RYR1: variants seen among roughly 807,000 people sequenced by gnomAD.
RYR1 encodes central core disease of muscle.
In RYR1, 342 loss-of-function variants were observed where a neutral mutation model predicts 583.5. That is an observed-to-expected ratio of 0.59 (90% CI 0.54 to 0.64). The LOEUF is 0.64. Ranked by LOEUF, RYR1 falls within the 30% of genes least tolerant of loss-of-function variation. The pLI, the probability that RYR1 is intolerant of heterozygous loss-of-function variation, is 0.00. For missense variants in RYR1, 6,032 were observed against 6,917.2 expected (o/e 0.87, Z 4.54); for synonymous variants, 2,791 against 2,822.5 (o/e 0.99, Z 0.35).
intron 88 of RYR1, among the ~76,000 whole-genome samples, chr19:38,547,706 C>T (rs1014303641): frequency 2.7e-5 from 4 of 149,734 alleles, no homozygotes; most frequent in African/African-American, 2.5e-5. Context: ...CTTTAGCGTA[C>T]ATCATCATTA....
At chr19:38,457,158 G>A (rs1030698345) in intron 16 of RYR1, among the ~76,000 whole-genome samples, 8 of 151,036 alleles carry the variant, frequency 5.3e-5, no homozygotes, top group African/African-American at 1.9e-4. Flanking sequence ...AACCCCTGCT[G>A]ATTTAAAATT....
At chr19:38,558,872 C>T (rs1972996742) in intron 89 of RYR1, among the ~76,000 whole-genome samples, 1 of 152,110 alleles carries the variant, frequency 6.6e-6, no homozygotes, top group African/African-American at 2.4e-5. Flanking sequence ...AGGCAGATCA[C>T]CTGAGGTCAG....
chr19:38,570,610 T>C lies in RYR1; in HGVS notation c.13663T>C (p.Tyr4555His). The C allele has an allele frequency of 6.2e-7, 1 of 1,613,512 alleles. No individual in the cohort carries two copies. Among genetic ancestry groups the C allele is most frequent in the East Asian group, 2.2e-5 (1 of 44,874 alleles). The part of the protein sequence containing the change: ...LEVQRVKFLN[Y>H]LSRNFYTLRF... Reference sequence around the variant, plus strand: ...CTCTTTTTCTCTTCTCTCTCAGAACTACCTGTCCCGGAACTTTTACACCCT... The same window carrying C: ...CTCTTTTTCTCTTCTCTCTCAGAACCACCTGTCCCGGAACTTTTACACCCT... The change falls in exon 94 of 106, where the codon TAC becomes CAC. Residue 4555 changes from tyrosine to histidine, a missense_variant. Coordinates refer to ENST00000359596, the MANE Select transcript of RYR1 (RefSeq NM_000540.3).
At chr19:38,455,407 C>A in intron 14 of RYR1, 37 bp downstream of exon 14, 1 of 1,614,128 alleles carries the variant, frequency 6.2e-7, no homozygotes, top group Non-Finnish European at 8.5e-7. Flanking sequence ...GAGAACACCC[C>A]AGATCCCCAG....
Position 38,467,599 on chromosome 19 carries a change from C to T in RYR1, c.3179-11C>T, listed in dbSNP as rs2145453066. ...CCTAGCCTCTCTGACTCTGCCTGGC[C>T]TCATTTATAGGTCAGGTGGAGAACC... On this transcript the variant is annotated splice_polypyrimidine_tract_variant and intron_variant, in intron 24 of 105. Coordinates refer to ENST00000359596, the MANE Select transcript of RYR1 (RefSeq NM_000540.3). The T allele has an allele frequency of 6.2e-7, 1 of 1,614,162 alleles. No individual in the cohort carries two copies. Among genetic ancestry groups the T allele is most frequent in the East Asian group, 2.2e-5 (1 of 44,884 alleles).
At chr19:38,502,774 CAGGGGCAGGGGCAGGGG>C (rs1970217757) in intron 48 of RYR1, 47 bp downstream of exon 48, 1 of 733,696 alleles carries the variant, frequency 1.4e-6, no homozygotes, top group Non-Finnish European at 2.0e-6. Context: ...GGGGCAGGGG[CAGGGGCAGGGGCAGGGG>C]CAGGGGCAGG....
chr19:38,524,058 C>T (rs1971351859), intron 70 of RYR1, 129 bp downstream of exon 70: 2 of 1,024,202 alleles, frequency 2.0e-6, no homozygotes, highest in African/African-American at 3.2e-5. Flanking sequence ...TCCCAGCCCC[C>T]ACCCATCCTC....
intron 58 of RYR1, among the ~76,000 whole-genome samples, chr19:38,509,701 C>T (rs2145651694): frequency 6.6e-6 from 1 of 152,224 alleles, no homozygotes; most frequent in African/African-American, 2.4e-5. Flanking sequence ...TCGTGATCCA[C>T]CCGCCTCGGC....
intron 76 of RYR1, among the ~76,000 whole-genome samples, chr19:38,530,598 G>A (rs1189434496): frequency 6.6e-6 from 1 of 152,036 alleles, no homozygotes; most frequent in Non-Finnish European, 1.5e-5. Context: ...ATAACGTGAA[G>A]TCAAGAGCTA....
intron 23 of RYR1, among the ~76,000 whole-genome samples, chr19:38,465,348 G>T (rs540171191): frequency 2.0e-5 from 3 of 151,878 alleles, no homozygotes; most frequent in Non-Finnish European, 4.4e-5. Context: ...CATGCCTGTA[G>T]TTCCAGCAAC....
chr19:38,461,916 A>G (rs774907825), intron 20 of RYR1, among the ~76,000 whole-genome samples: 1 of 151,700 alleles, frequency 6.6e-6, no homozygotes, highest in Non-Finnish European at 1.5e-5. Flanking sequence ...TGAGCCAGGC[A>G]TGGTGGCAGG....
intron 97 of RYR1, among the ~76,000 whole-genome samples, chr19:38,576,782 A>G (rs1973973714): frequency 6.6e-6 from 1 of 152,118 alleles, no homozygotes; most frequent in Non-Finnish European, 1.5e-5. Flanking sequence ...CCTGGGTGAC[A>G]GAGCGAGACT....
Position 38,473,706 on chromosome 19 carries a change from A to T in RYR1, c.4095A>T (p.Gly1365=). 8 of 1,548,850 alleles carry T rather than the reference A, an allele frequency of 5.2e-6. No homozygotes were observed. The highest frequency in any genetic ancestry group is 7.0e-6 in the Non-Finnish European group (8 of 1,146,324). ...CCGGGGGCACCCCGCAGGCGGGGGG[A>T]GAGGCGCAGCCCGCCAGGGCGGAGA... The part of the protein sequence containing the change: ...GAPGGTPQAG[G]EAQPARAENE... The change falls in exon 28 of 106, where the codon GGA becomes GGT. Residue 1365 remains glycine (G), a synonymous_variant. Coordinates refer to ENST00000359596, the MANE Select transcript of RYR1 (RefSeq NM_000540.3).
At chr19:38,579,853 A>T in intron 99 of RYR1, 129 bp from the exon 100 acceptor site, 1 of 1,171,874 alleles carries the variant, frequency 8.5e-7, no homozygotes, top group Non-Finnish European at 1.3e-6. Flanking sequence ...CTGATCCTCC[A>T]TGTACTCCCC....
chr19:38,570,709 G>A lies in RYR1; in HGVS notation c.13746+16G>A. The A allele has an allele frequency of 6.2e-7, 1 of 1,602,098 alleles. No individual in the cohort carries two copies. Among genetic ancestry groups the A allele is most frequent in the Non-Finnish European group, 8.6e-7 (1 of 1,169,344 alleles). On this transcript the variant is annotated intron_variant, in intron 94 of 105. Transcript: ENST00000359596. ...GTTTTATAAGGTGCTGGTCCTGAAG[G>A]GCTGGGAGGGTCAGGCCCTTTTCCA...
At chr19:38,557,873 G>A (rs943341306) in intron 89 of RYR1, among the ~76,000 whole-genome samples, 7 of 151,536 alleles carry the variant, frequency 4.6e-5, no homozygotes, top group African/African-American at 9.7e-5. Context: ...CCAGCTACTC[G>A]GGAGGCTGAG....
rs1026186200 is a variant in RYR1 at position 38,529,191 on chromosome 19, C to G, written c.11141+134C>G. 9.0e-6 allele frequency: 8 copies of G among 886,672 alleles called. No individual in the cohort carries two copies. In the South Asian group the frequency reaches 1.1e-4, roughly 13 times the overall value. 54.9% of individuals were successfully genotyped at this position (886,672 alleles called of 1,614,324 possible). On this transcript the variant is annotated intron_variant, in intron 76 of 105. Transcript: ENST00000359596. ...CCAAGACAGACGGATCTTTAAATATCACTTTGCTGGTCAGGCACGGTGGCT... is the reference window on the plus strand; with the variant it reads ...CCAAGACAGACGGATCTTTAAATATGACTTTGCTGGTCAGGCACGGTGGCT...
At chr19:38,453,544 T>C (rs974206797) in intron 13 of RYR1, among the ~76,000 whole-genome samples, 7 of 151,906 alleles carry the variant, frequency 4.6e-5, no homozygotes, top group Non-Finnish European at 5.9e-5. Context: ...GAAAAAAATC[T>C]CTGTCCTTAT....
chr19:38,530,504 A>G (rs954866566), intron 76 of RYR1, among the ~76,000 whole-genome samples: 1 of 150,390 alleles, frequency 6.6e-6, no homozygotes, highest in African/African-American at 2.5e-5. Context: ...TCCTGAACTC[A>G]AGCAATCCTC....
Sources: allele counts gnomAD v4.1 joint callset (sites outside exome capture counted in the v4.1 genomes callset), GRCh38; gene constraint gnomAD v4.1.1; transcripts MANE v1.5; gene names NCBI Gene and HGNC (gene_info 2026-07-23, HGNC 2026-07-21).